The following IKZF3 variants were observed in gnomAD, a reference collection of about 807,000 sequenced individuals.
The protein encoded by IKZF3 is IKAROS family zinc finger 3.
IKZF3 carries 10 observed loss-of-function variants against 49.0 expected under a neutral mutation model. That is an observed-to-expected ratio of 0.20 (90% CI 0.13 to 0.35). The LOEUF (loss-of-function observed/expected upper bound fraction) is 0.35, where lower values mean the gene tolerates loss of function less well. Ranked by LOEUF, IKZF3 falls within the 10% of genes least tolerant of loss-of-function variation. The probability of loss-of-function intolerance (pLI) is 1.00; values close to 1 mark genes in which losing one functional copy is unlikely to be tolerated. For missense variants in IKZF3, 498 were observed against 664.8 expected (o/e 0.75, Z 2.76); for synonymous variants, 209 against 228.2 (o/e 0.92, Z 0.76).
chr17:39,839,216 C>A (rs983191235), intron 1 of IKZF3, among the ~76,000 whole-genome samples: 1 of 151,882 alleles, frequency 6.6e-6, no homozygotes, highest in Non-Finnish European at 1.5e-5. Context: ...TGCAGTCAAC[C>A]AACACGTTCA....
chr17:39,806,906 G>A (rs1376304282), intron 3 of IKZF3, among the ~76,000 whole-genome samples: 4 of 152,196 alleles, frequency 2.6e-5, no homozygotes, highest in Non-Finnish European at 5.9e-5. Flanking sequence ...GTAAGCTGGA[G>A]AGCAAGGAGC....
At position 39,764,322 on chromosome 17, in the gene IKZF3, A is replaced by C. The variant is rs1243862150; in HGVS notation, c.*1468T>G. On this transcript the variant is annotated 3_prime_UTR_variant, in exon 8 of 8. Coordinates refer to ENST00000346872, the MANE Select transcript of IKZF3 (RefSeq NM_012481.5). The stretch of plus-strand genomic sequence containing the variant: ...TCTACAAAAAGAACAAAATGTAGCC[A>C]GACATGGTGGTGTGCACTTGTTGTC... 2.0e-5 allele frequency: 3 copies of C among 152,114 alleles called. No individual in the cohort carries two copies. Among genetic ancestry groups the C allele is most frequent in the Non-Finnish European group, 4.4e-5 (3 of 68,034 alleles). The allele number at this position is 152,114 out of a possible 1,614,324, so 9.4% of individuals were successfully genotyped here.
intron 1 of IKZF3, among the ~76,000 whole-genome samples, chr17:39,840,490 T>C (rs2062434563): frequency 6.6e-6 from 1 of 152,260 alleles, no homozygotes; most frequent in African/African-American, 2.4e-5. Flanking sequence ...TAGGAGGTAC[T>C]ATTCCATTAC....
chr17:39,859,920 A>T (rs990689114), intron 1 of IKZF3, among the ~76,000 whole-genome samples: 8 of 152,176 alleles, frequency 5.3e-5, no homozygotes, highest in African/African-American at 1.2e-4. Context: ...AGCTTGACAT[A>T]TGAGCCAATT....
intron 3 of IKZF3, among the ~76,000 whole-genome samples, chr17:39,800,933 C>T (rs1053853665): frequency 2.0e-5 from 3 of 152,130 alleles, no homozygotes; most frequent in Admixed American, 6.5e-5. Context: ...AGAGAAGAAC[C>T]TATCAAAGAT....
In IKZF3 at chr17:39,758,646, T is replaced by A. The variant is rs1440326893; in HGVS notation, c.*7144A>T. On this transcript the variant is annotated 3_prime_UTR_variant, in exon 8 of 8. Transcript: ENST00000346872. ...GGAGCAGCGGGGGGTGGGGTACTAA[T>A]GGCTGAGGACTCACAGACAGTGAGG... The A allele has an allele frequency of 6.6e-6, 1 of 151,568 alleles. No homozygotes were observed. The highest frequency in any genetic ancestry group is 1.5e-5 in the Non-Finnish European group (1 of 67,956). 9.4% of individuals were successfully genotyped at this position (151,568 alleles called of 1,614,324 possible).
At chr17:39,788,231 C>A (rs759837022) in intron 6 of IKZF3, 27 bp downstream of exon 6, 3 of 1,381,370 alleles carry the variant, frequency 2.2e-6, no homozygotes, top group East Asian at 2.3e-5. Flanking sequence ...AGCAGATGCT[C>A]ACTAAACGTG....
chr17:39,843,333 GTTT>G (rs762632435), intron 1 of IKZF3, among the ~76,000 whole-genome samples: 2 of 151,834 alleles, frequency 1.3e-5, no homozygotes, highest in Non-Finnish European at 2.9e-5. Flanking sequence ...CAGAAAAAAA[GTTT>G]TTTTGTGCTG....
chr17:39,819,828 AT>A (rs1267631907), intron 3 of IKZF3, among the ~76,000 whole-genome samples: 1 of 152,016 alleles, frequency 6.6e-6, no homozygotes, highest in African/African-American at 2.4e-5. Flanking sequence ...CACAAAGCTA[AT>A]TAAAAAAAAA....
At chr17:39,784,384 A>G (rs1278199857) in intron 6 of IKZF3, among the ~76,000 whole-genome samples, 1 of 151,310 alleles carries the variant, frequency 6.6e-6, no homozygotes, top group Non-Finnish European at 1.5e-5. Context: ...AGAAACTTGG[A>G]CTAAAGTAGC....
chr17:39,778,014 C>A (rs1350147425), intron 6 of IKZF3: 4 of 1,162,012 alleles, frequency 3.4e-6, no homozygotes, highest in Non-Finnish European at 4.2e-6. Flanking sequence ...CCAGTACCTT[C>A]ATTAGCAAGA....
chr17:39,838,496 T>C (rs1177987993), intron 1 of IKZF3, among the ~76,000 whole-genome samples: 1 of 152,196 alleles, frequency 6.6e-6, no homozygotes, highest in Non-Finnish European at 1.5e-5. Context: ...AGGTTTTCTA[T>C]TTGTTTATTA....
intron 1 of IKZF3, among the ~76,000 whole-genome samples, chr17:39,836,804 C>T (rs2062298603): frequency 6.6e-6 from 1 of 152,210 alleles, no homozygotes; most frequent in Non-Finnish European, 1.5e-5. Flanking sequence ...TCATATGTAT[C>T]ACATCTGCAT....
chr17:39,807,795 A>G (rs1259979884), intron 3 of IKZF3, among the ~76,000 whole-genome samples: 1 of 152,114 alleles, frequency 6.6e-6, no homozygotes, highest in Non-Finnish European at 1.5e-5. Flanking sequence ...AATATTACAT[A>G]TGGTATTATT....
At chr17:39,849,352 C>T (rs1169099863) in intron 1 of IKZF3, among the ~76,000 whole-genome samples, 2 of 145,852 alleles carry the variant, frequency 1.4e-5, no homozygotes, top group Non-Finnish European at 3.0e-5. Context: ...TGAAAAAAGA[C>T]AACCCAATTA....
chr17:39,792,890 C>G lies in IKZF3; in HGVS notation c.207G>C (p.Glu69Asp). The G allele has an allele frequency of 1.2e-6, 2 of 1,613,988 alleles. No homozygotes were observed. Among genetic ancestry groups the G allele is most frequent in the Non-Finnish European group, 1.7e-6 (2 of 1,179,918 alleles). Residue 69 changes from glutamate (E) to aspartate (D), a missense_variant, in exon 4 of 8, where the codon GAG (glutamate) becomes GAC (aspartate). By Grantham distance (45) the Glu-to-Asp change is conservative. This residue lies in a region of IKZF3 where 97 missense variants were observed against 98.9 expected (regional missense o/e 0.98). Coordinates refer to ENST00000346872, the MANE Select transcript of IKZF3 (RefSeq NM_012481.5). ...KVKDEYSERD[E>D]NVLKSEPMGN... ...CCATGGGTTCTGACTTTAAAACATTCTCATCTCTTTCACTGTATTCATCTT... is the reference window on the plus strand; with the variant it reads ...CCATGGGTTCTGACTTTAAAACATTGTCATCTCTTTCACTGTATTCATCTT...
chr17:39,820,756 A>G (rs780440622), intron 3 of IKZF3, among the ~76,000 whole-genome samples: 4 of 152,200 alleles, frequency 2.6e-5, no homozygotes, highest in African/African-American at 4.8e-5. Flanking sequence ...GGCTGGGGCC[A>G]CTAGACAGCC....
intron 1 of IKZF3, among the ~76,000 whole-genome samples, chr17:39,832,955 C>A (rs2062156481): frequency 6.6e-6 from 1 of 152,018 alleles, no homozygotes; most frequent in Non-Finnish European, 1.5e-5. Context: ...ATTATATATT[C>A]TATGCATGTA....
intron 1 of IKZF3, among the ~76,000 whole-genome samples, chr17:39,840,707 G>C (rs952256465): frequency 6.6e-5 from 10 of 152,196 alleles, no homozygotes; most frequent in Non-Finnish European, 1.3e-4. Flanking sequence ...CATAAAGGCA[G>C]GGGAAATACA....
Sources: allele counts gnomAD v4.1 joint callset (sites outside exome capture counted in the v4.1 genomes callset), GRCh38; gene constraint gnomAD v4.1.1; regional missense constraint gnomAD v4.1.1; transcripts MANE v1.5; gene names NCBI Gene and HGNC (gene_info 2026-07-23, HGNC 2026-07-21).